The following CCDC39 variants were observed in gnomAD, a reference collection of about 807,000 sequenced individuals.
CCDC39 encodes coiled-coil domain 39 molecular ruler complex subunit, also known as coiled-coil domain-containing protein 39.
A neutral mutation model predicts 121.0 loss-of-function variants in CCDC39; 113 were observed. That is an observed-to-expected ratio of 0.93 (90% CI 0.80 to 1.09). The LOEUF (loss-of-function observed/expected upper bound fraction) is 1.09. Among genes scored for constraint, CCDC39 ranks in the 50% least tolerant of loss-of-function variants. The probability of loss-of-function intolerance (pLI) is 0.00; values close to 1 mark genes in which losing one functional copy is unlikely to be tolerated. For missense variants in CCDC39, 1,063 were observed against 1,074.7 expected (o/e 0.99, Z 0.15); for synonymous variants, 349 against 352.2 (o/e 0.99, Z 0.10).
At chr3:180,676,809 C>T (rs1712222142) in intron 1 of CCDC39, among the ~76,000 whole-genome samples, 1 of 120,156 alleles carries the variant, frequency 8.3e-6, no homozygotes. Context: ...TACTATGCAG[C>T]CATAAAAAAT....
intron 1 of CCDC39, among the ~76,000 whole-genome samples, chr3:180,669,896 G>C (rs968330715): frequency 9.2e-5 from 14 of 152,126 alleles, no homozygotes; most frequent in African/African-American, 2.7e-4. Flanking sequence ...TAATGAAAGA[G>C]ATGGATGTAA....
intron 6 of CCDC39, among the ~76,000 whole-genome samples, chr3:180,655,706 T>C (rs1462531452): frequency 2.0e-5 from 3 of 151,962 alleles, no homozygotes; most frequent in African/African-American, 4.8e-5. Flanking sequence ...TAAGAAGGGT[T>C]GGGGTCCAGA....
Position 180,664,023 on chromosome 3 carries a change from A to G in CCDC39, c.91-37T>C, listed in dbSNP as rs187143397. Reference sequence around the variant, plus strand: ...AAATACTATGATTAACCAAAGTCCTATTAAGTTTTACCATATGAAGGACCT... The same window carrying G: ...AAATACTATGATTAACCAAAGTCCTGTTAAGTTTTACCATATGAAGGACCT... On this transcript the variant is annotated intron_variant, in intron 1 of 19. Transcript: ENST00000476379. 44 of 1,579,066 alleles carry G rather than the reference A, an allele frequency of 2.8e-5. No individual in the cohort carries two copies. In the African/African-American group the frequency reaches 5.1e-4, roughly 18 times the overall value.
intron 1 of CCDC39, among the ~76,000 whole-genome samples, chr3:180,664,232 C>T (rs1006573273): frequency 6.6e-6 from 1 of 152,088 alleles, no homozygotes; most frequent in African/African-American, 2.4e-5. Context: ...TGGTGAGGGC[C>T]CTCTTTCTTA....
chr3:180,652,600 G>C (rs1173316773), intron 7 of CCDC39, among the ~76,000 whole-genome samples: 1 of 152,060 alleles, frequency 6.6e-6, no homozygotes, highest in African/African-American at 2.4e-5. Context: ...AGAATCATAA[G>C]TTTAACTGGA....
rs757515577 is a variant in CCDC39, at chr3:180,648,280, T to A, written c.1247A>T (p.Glu416Val). 6.8e-6 allele frequency: 11 copies of A among 1,613,282 alleles called. No homozygotes were observed. The highest frequency in any genetic ancestry group is 7.6e-6 in the Non-Finnish European group (9 of 1,179,536). Reference sequence around the variant, plus strand: ...TTCAATTTCTGATAAAACAGCTTTTTCTTTCATTGTCTCAGTCTGTAACTC... The same window carrying A: ...TTCAATTTCTGATAAAACAGCTTTTACTTTCATTGTCTCAGTCTGTAACTC... The part of the protein sequence containing the change: ...AQELQTETMK[E>V]KAVLSEIEGT... Residue 416 changes from glutamate (E) to valine (V), a missense_variant, in exon 10 of 20, where the codon GAA (glutamate) becomes GTA (valine). By Grantham distance (121) the Glu-to-Val change is moderately radical (BLOSUM62 -2). Transcript: ENST00000476379.
chr3:180,647,153 C>A lies in CCDC39; in HGVS notation c.1453G>T (p.Val485Phe). Residue 485 changes from valine to phenylalanine, a missense_variant, in exon 11 of 20, where the codon GTT (valine) becomes TTT (phenylalanine). Physicochemically the swap from Val to Phe is conservative, Grantham distance 50 (BLOSUM62 -1). Transcript: ENST00000476379. ...EEKQALEAKI[V>F]ELRKSLEEKK... is the part of the protein sequence containing the mutation. ...TCTTCCAAAGACTTCCTAAGTTCAA[C>A]AATTTTTGCTTCAAGCGCTTGTTTT... 1 of 1,611,878 alleles carries A rather than the reference C, an allele frequency of 6.2e-7. No homozygotes were observed. Among genetic ancestry groups the A allele is most frequent in the Non-Finnish European group, 8.5e-7 (1 of 1,179,088 alleles).
intron 1 of CCDC39, among the ~76,000 whole-genome samples, chr3:180,665,650 T>C (rs1711855627): frequency 6.6e-6 from 1 of 151,946 alleles, no homozygotes; most frequent in Admixed American, 6.5e-5. Flanking sequence ...AAAAGGCATT[T>C]AAGGCTATAT....
chr3:180,619,137 A>G (rs1355735236), intron 16 of CCDC39, 122 bp downstream of exon 16: 4 of 645,084 alleles, frequency 6.2e-6, no homozygotes, highest in African/African-American at 3.7e-5. Context: ...CTTACTATCT[A>G]CTTCCCTAAA....
intron 13 of CCDC39, among the ~76,000 whole-genome samples, chr3:180,640,075 C>G (rs113967161): frequency 6.6e-6 from 1 of 151,638 alleles, no homozygotes; most frequent in South Asian, 2.1e-4. Flanking sequence ...GGGGAAGGAC[C>G]GAAGGGAGGA....
chr3:180,645,555 A>C (rs955830417), intron 11 of CCDC39, among the ~76,000 whole-genome samples: 1 of 152,122 alleles, frequency 6.6e-6, no homozygotes, highest in African/African-American at 2.4e-5. Context: ...TAGTAAGAAG[A>C]GGAATTTTTT....
chr3:180,679,083 T>C lies in CCDC39; in HGVS notation c.90+208A>G, dbSNP rs1029520793. 6.6e-6 allele frequency among the ~76,000 whole-genome samples: 1 copy of C among 152,064 alleles called. No individual in the cohort carries two copies. The highest frequency in any genetic ancestry group is 2.4e-5 in the African/African-American group (1 of 41,380). ...CGAGCTTTATAACCCTAAATGTCAATTATGGTTTTAATAGCATTTTTAAAT... is the reference window on the plus strand; with the variant it reads ...CGAGCTTTATAACCCTAAATGTCAACTATGGTTTTAATAGCATTTTTAAAT... On this transcript the variant is annotated intron_variant, in intron 1 of 19. Coordinates refer to ENST00000476379, the MANE Select transcript of CCDC39 (RefSeq NM_181426.2). The surrounding 1 kb of genome is among the most constrained non-coding windows in gnomAD (Gnocchi z 4.0).
chr3:180,651,015 C>T (rs1006263096), intron 9 of CCDC39, among the ~76,000 whole-genome samples: 45 of 149,708 alleles, frequency 3.0e-4, no homozygotes, highest in East Asian at 9.9e-4. Context: ...GCCAACATGG[C>T]GAAACCCCAT....
intron 1 of CCDC39, among the ~76,000 whole-genome samples, chr3:180,677,211 T>TATATATATAA (rs1712259421): frequency 9.1e-6 from 1 of 109,882 alleles, no homozygotes; most frequent in African/African-American, 3.3e-5. Context: ...TATATATATA[T>TATATATATAA]ATATAAAATC....
chr3:180,662,547 T>A (rs963713611), intron 2 of CCDC39, among the ~76,000 whole-genome samples: 13 of 152,138 alleles, frequency 8.5e-5, no homozygotes, highest in Non-Finnish European at 1.6e-4. Flanking sequence ...TCACTTAGTA[T>A]TAATTTTACA....
At chr3:180,620,791 T>G (rs1000047663) in intron 14 of CCDC39, among the ~76,000 whole-genome samples, 8 of 152,214 alleles carry the variant, frequency 5.3e-5, no homozygotes, top group African/African-American at 1.9e-4. Context: ...TTGTAAAAAT[T>G]TATGGAGTAC....
chr3:180,637,854 C>A (rs1474191190), intron 13 of CCDC39, among the ~76,000 whole-genome samples: 1 of 152,112 alleles, frequency 6.6e-6, no homozygotes, highest in African/African-American at 2.4e-5. Context: ...TGCATGTTCT[C>A]ACTTATAAGT....
chr3:180,621,978 TA>T (rs1338281557), intron 14 of CCDC39, among the ~76,000 whole-genome samples: 2 of 152,164 alleles, frequency 1.3e-5, no homozygotes, highest in African/African-American at 2.4e-5. Context: ...GGTATTTTGA[TA>T]GGGGTTGCAT....
At chr3:180,655,547 A>G (rs1355680898) in intron 6 of CCDC39, among the ~76,000 whole-genome samples, 1 of 151,976 alleles carries the variant, frequency 6.6e-6, no homozygotes, top group African/African-American at 2.4e-5. Flanking sequence ...GGAAGAAAAA[A>G]AAAAAGAAAA....
Sources: allele counts gnomAD v4.1 joint callset (sites outside exome capture counted in the v4.1 genomes callset), GRCh38; gene constraint gnomAD v4.1.1; non-coding constraint Gnocchi (gnomAD v3.1); transcripts MANE v1.5; gene names NCBI Gene and HGNC (gene_info 2026-07-23, HGNC 2026-07-21).